The following SMPDL3A variants were observed in gnomAD, a reference collection of about 807,000 sequenced individuals.
SMPDL3A encodes the protein sphingomyelin phosphodiesterase acid like 3A, also known as cyclic GMP-AMP phosphodiesterase SMPDL3A.
A neutral mutation model predicts 38.5 loss-of-function variants in SMPDL3A; 39 were observed. The ratio of observed to expected loss-of-function variants is 1.01; its 90% confidence interval spans 0.78 to 1.32. SMPDL3A has a LOEUF of 1.32. Ranked by LOEUF, SMPDL3A falls within the 40% of genes most tolerant of loss-of-function variation. The pLI is 0.00. For missense variants in SMPDL3A, 502 were observed against 536.2 expected, an observed-to-expected ratio of 0.94 and a Z score of 0.63; for synonymous variants, 180 against 194.3, an observed-to-expected ratio of 0.93 and a Z score of 0.61.
chr6:122,792,638 C>CT (rs368762743), intron 1 of SMPDL3A, among the ~76,000 whole-genome samples: 21,951 of 140,748 alleles, frequency 0.16, 2,140 homozygotes, highest in Middle Eastern at 0.25. Flanking sequence ...TCTTCTTCCC[C>CT]TTTTTTTTTT....
chr6:122,794,374 C>A lies in SMPDL3A; in HGVS notation c.113-1303C>A, dbSNP rs188326594. Among the ~76,000 whole-genome samples the A allele has an allele frequency of 9.0e-4, 137 of 152,060 alleles. 1 individual carries two copies. The highest frequency in any genetic ancestry group is 3.4e-3 in the Middle Eastern group (1 of 294). On this transcript the variant is annotated intron_variant, in intron 1 of 7. Coordinates refer to ENST00000368440, the MANE Select transcript of SMPDL3A (RefSeq NM_006714.5). Reference sequence around the variant, plus strand: ...GCACTTTAGGAGGCTGGGGCGGGCACATCACGAGGTCAGGAAATCGAGACC... The same window carrying A: ...GCACTTTAGGAGGCTGGGGCGGGCAAATCACGAGGTCAGGAAATCGAGACC...
chr6:122,789,278 C>G lies in SMPDL3A; in HGVS notation c.-69C>G. ...CAGCCGTCTTCTGTCTCCGCCTCAC[C>G]CTCAGGCCTGACGGTCCGAGTGGAG... On this transcript the variant is annotated 5_prime_UTR_variant, in exon 1 of 8. Coordinates refer to ENST00000368440, the MANE Select transcript of SMPDL3A (RefSeq NM_006714.5). 8.7e-7 allele frequency: 1 copy of G among 1,147,284 alleles called. No individual in the cohort carries two copies. Among genetic ancestry groups the G allele is most frequent in the South Asian group, 1.4e-5 (1 of 71,166 alleles). The allele number at this position is 1,147,284 out of a possible 1,614,324, so 71.1% of individuals were successfully genotyped here. A position where few individuals can be genotyped will look rare whatever the true frequency, so the allele number is the denominator to read the frequency against.
intron 5 of SMPDL3A, among the ~76,000 whole-genome samples, 154 bp downstream of exon 5, chr6:122,803,987 T>TC (rs984799672): frequency 2.0e-5 from 3 of 151,512 alleles, no homozygotes; most frequent in Non-Finnish European, 4.4e-5. Flanking sequence ...TTTCTTTCTT[T>TC]TTTTTTTTTT....
At chr6:122,802,538 G>A (rs2317343) in intron 4 of SMPDL3A, among the ~76,000 whole-genome samples, 126,396 of 152,122 alleles carry the variant, frequency 0.83, 53,227 homozygotes, top group East Asian at 0.99. Context: ...TACAAGACAC[G>A]TGGAGAGCTT....
At position 122,806,332 on chromosome 6, in the gene SMPDL3A, A is replaced by G. The variant is rs1341600636; in HGVS notation, c.1019A>G (p.Tyr340Cys). 9 of 1,611,656 alleles carry G rather than the reference A, an allele frequency of 5.6e-6. No homozygotes were observed. In the South Asian group the frequency reaches 9.9e-5, roughly 18 times the overall value. Reference protein sequence around the residue: ...TNNPGIRLFQYDPRDYKLLDM... With the variant: ...TNNPGIRLFQCDPRDYKLLDM... ...AATCCTGGTATCAGACTGTTTCAGT[A>G]TGATCCTCGTGATTATAAATTATTG... Residue 340 changes from tyrosine to cysteine, a missense_variant, in exon 7 of 8, where the codon TAT becomes TGT. Transcript: ENST00000368440.
intron 3 of SMPDL3A, chr6:122,797,262 T>G (rs1043175686): frequency 1.8e-5 from 5 of 283,868 alleles, no homozygotes; most frequent in African/African-American, 4.4e-5. Context: ...TTCTCTTTTC[T>G]TTTGAGTAAT....
intron 6 of SMPDL3A, 102 bp from the exon 7 acceptor site, chr6:122,806,131 C>T (rs771108955): frequency 1.9e-6 from 2 of 1,031,488 alleles, no homozygotes; most frequent in Non-Finnish European, 2.7e-6. Context: ...TCACATATCA[C>T]TTGGTTATGT....
intron 3 of SMPDL3A, among the ~76,000 whole-genome samples, chr6:122,798,130 G>C (rs997366288): frequency 6.6e-6 from 1 of 152,080 alleles, no homozygotes; most frequent in African/African-American, 2.4e-5. Flanking sequence ...ATTATTTTTA[G>C]TTAATCGAAC....
At chr6:122,803,499 G>C (rs1467245890) in intron 4 of SMPDL3A, among the ~76,000 whole-genome samples, 165 bp from the exon 5 acceptor site, 1 of 152,156 alleles carries the variant, frequency 6.6e-6, no homozygotes, top group East Asian at 1.9e-4. Flanking sequence ...GTAAATGCTT[G>C]CTAAATCTGA....
intron 7 of SMPDL3A, among the ~76,000 whole-genome samples, chr6:122,807,315 G>C (rs565904633): frequency 6.6e-6 from 1 of 152,118 alleles, no homozygotes; most frequent in Non-Finnish European, 1.5e-5. Flanking sequence ...TGGCTGACAC[G>C]GTGAAACCCC....
chr6:122,789,542 G>T, intron 1 of SMPDL3A, 84 bp downstream of exon 1: 2 of 1,220,678 alleles, frequency 1.6e-6, no homozygotes, highest in Non-Finnish European at 2.3e-6. Flanking sequence ...AAAGTGCGTG[G>T]GGGCAGCTGC....
chr6:122,792,496 C>T (rs1781108178), intron 1 of SMPDL3A, among the ~76,000 whole-genome samples: 1 of 152,156 alleles, frequency 6.6e-6, no homozygotes, highest in Non-Finnish European at 1.5e-5. Flanking sequence ...TAAATTATAT[C>T]AGAGGGGTGT....
rs781557268 is a variant in SMPDL3A, at chr6:122,805,044, G to A, written c.874G>A (p.Gly292Arg). 4 of 1,612,526 alleles carry A rather than the reference G, an allele frequency of 2.5e-6. No individual in the cohort carries two copies. In the Admixed American group the frequency reaches 6.7e-5, roughly 27 times the overall value. The change falls in exon 6 of 8, where the codon GGA (glycine) becomes AGA (arginine). Residue 292 changes from glycine to arginine, a missense_variant. Transcript: ENST00000368440. ...YSDVIAGQFY[G>R]HTHRDSIMVL... Reference sequence around the variant, plus strand: ...TGATGTCATTGCAGGACAATTTTATGGACACACTCACAGAGACAGCATTAT... The same window carrying A: ...TGATGTCATTGCAGGACAATTTTATAGACACACTCACAGAGACAGCATTAT...
Position 122,809,465 on chromosome 6 carries a change from G to A in SMPDL3A, c.*57G>A. The A allele has an allele frequency of 7.7e-7, 1 of 1,301,930 alleles. No homozygotes were observed. Among genetic ancestry groups the A allele is most frequent in the South Asian group, 1.4e-5 (1 of 71,176 alleles). 80.6% of individuals were successfully genotyped at this position (1,301,930 alleles called of 1,614,324 possible). A position where few individuals can be genotyped will look rare whatever the true frequency, so the allele number is the denominator to read the frequency against. ...GATTCTGATTCTGAGATCAATTTGT[G>A]GGAATTTTACATAAATCTTTGTTAA... On this transcript the variant is annotated 3_prime_UTR_variant, in exon 8 of 8. Coordinates refer to ENST00000368440, the MANE Select transcript of SMPDL3A (RefSeq NM_006714.5).
chr6:122,804,888 T>A, intron 5 of SMPDL3A, 21 bp from the exon 6 acceptor site: 1 of 1,583,698 alleles, frequency 6.3e-7, no homozygotes, highest in African/African-American at 1.4e-5. Flanking sequence ...TCATGAGGCC[T>A]TTTTGTGTTT....
intron 1 of SMPDL3A, chr6:122,789,697 G>C (rs1014030389): frequency 3.3e-5 from 15 of 454,722 alleles, no homozygotes; most frequent in East Asian, 3.1e-4. Flanking sequence ...TGCCCTCGCC[G>C]GTGGGGGCGC....
intron 3 of SMPDL3A, among the ~76,000 whole-genome samples, chr6:122,798,023 A>G (rs1781307222): frequency 6.6e-6 from 1 of 150,798 alleles, no homozygotes; most frequent in Non-Finnish European, 1.5e-5. Context: ...AATATTTCCC[A>G]AACATATCTA....
intron 1 of SMPDL3A, among the ~76,000 whole-genome samples, chr6:122,792,913 G>C (rs988062599): frequency 1.3e-5 from 2 of 152,110 alleles, no homozygotes; most frequent in Non-Finnish European, 2.9e-5. Context: ...TGAGATTGGA[G>C]ATATTTGAAT....
At position 122,809,408 on chromosome 6, in the gene SMPDL3A, G is replaced by C. The variant is rs757130668; in HGVS notation, c.1362G>C (p.Ter454TyrextTer11). Residue 454 changes from the stop codon to tyrosine, a stop_lost, in exon 8 of 8, where the codon TAG (stop) becomes TAC (tyrosine). Coordinates refer to ENST00000368440, the MANE Select transcript of SMPDL3A (RefSeq NM_006714.5). ...AGCTTTATATAAAGCACAATTACTA[G>C]TATTTCACAGTTTTTGCTAATAGAA... is the stretch of plus-strand genomic sequence containing the variant. Reference protein sequence around the residue: ...LKQLYIKHNY* With the variant: ...LKQLYIKHNYY 49 of 1,583,754 alleles carry C rather than the reference G, an allele frequency of 3.1e-5. No individual in the cohort carries two copies. The highest frequency in any genetic ancestry group is 3.9e-5 in the Non-Finnish European group (45 of 1,159,980).
Sources: gnomAD v4.1 joint callset for allele counts (sites outside exome capture counted in the v4.1 genomes callset) on GRCh38, gnomAD v4.1.1 for gene constraint, MANE v1.5 for transcripts, NCBI Gene and HGNC (gene_info 2026-07-23, HGNC 2026-07-21) for gene names.